The following KLRD1 variants were observed in gnomAD, a reference collection of about 807,000 sequenced individuals.
KLRD1 encodes the protein natural killer cells antigen CD94.
In KLRD1, 21 loss-of-function variants were observed where a neutral mutation model predicts 22.6. The observed-to-expected ratio is 0.93, with a 90% CI of 0.66 to 1.34. The LOEUF (loss-of-function observed/expected upper bound fraction) is 1.34. Ranked by LOEUF, KLRD1 falls within the 40% of genes most tolerant of loss-of-function variation. KLRD1 has a pLI of 0.00. For synonymous variants in KLRD1, 59 were observed against 71.1 expected (o/e 0.83, Z 0.85); for missense variants, 183 against 208.6 (o/e 0.88, Z 0.76).
intron 1 of KLRD1, among the ~76,000 whole-genome samples, chr12:10,240,403 A>G (rs1192599502): frequency 6.6e-6 from 1 of 150,464 alleles, no homozygotes. Context: ...CTTTGCTTTC[A>G]TTGTTCAGCT....
At chr12:10,254,443 A>AAAC (rs1555101199) in intron 1 of KLRD1, among the ~76,000 whole-genome samples, 8 of 151,050 alleles carry the variant, frequency 5.3e-5, no homozygotes, top group African/African-American at 2.0e-4. Context: ...AAAAAAAAAA[A>AAAC]AAAAAAAAAC....
chr12:10,284,666 C>A (rs1949682861), intron 1 of KLRD1, among the ~76,000 whole-genome samples: 1 of 152,196 alleles, frequency 6.6e-6, no homozygotes, highest in African/African-American at 2.4e-5. Context: ...AAGTACATTT[C>A]TCTCCACAAA....
intron 4 of KLRD1, among the ~76,000 whole-genome samples, chr12:10,312,242 G>C (rs1329730353): frequency 1.3e-5 from 2 of 151,648 alleles, no homozygotes; most frequent in African/African-American, 2.4e-5. Flanking sequence ...AGTAGAGACA[G>C]GGTTTCACCG....
At chr12:10,247,329 T>C (rs1001187234) in intron 1 of KLRD1, among the ~76,000 whole-genome samples, 1 of 152,140 alleles carries the variant, frequency 6.6e-6, no homozygotes, top group East Asian at 1.9e-4. Context: ...GAACAATTTA[T>C]TGGAATGTGA....
intron 4 of KLRD1, 145 bp downstream of exon 4, chr12:10,311,760 A>C: frequency 1.7e-6 from 1 of 594,832 alleles, no homozygotes; most frequent in Non-Finnish European, 2.8e-6. Context: ...TGTGTACCTT[A>C]AAGTAGTCAT....
At chr12:10,299,292 T>C (rs1949847919) in intron 1 of KLRD1, among the ~76,000 whole-genome samples, 1 of 152,148 alleles carries the variant, frequency 6.6e-6, no homozygotes, top group Non-Finnish European at 1.5e-5. Context: ...AGTTAAATAG[T>C]AAGGATGCTA....
chr12:10,298,601 T>G (rs532270290), intron 1 of KLRD1, among the ~76,000 whole-genome samples: 15 of 152,334 alleles, frequency 9.8e-5, no homozygotes, highest in Admixed American at 8.5e-4. Context: ...GGTTGTTGGT[T>G]TACCTGAATG....
intron 1 of KLRD1, among the ~76,000 whole-genome samples, chr12:10,262,193 T>A (rs1016610214): frequency 2.0e-5 from 3 of 152,100 alleles, no homozygotes; most frequent in Non-Finnish European, 4.4e-5. Flanking sequence ...AATGTAAGAA[T>A]GAATACCACA....
At chr12:10,240,717 A>G (rs1949233340) in intron 1 of KLRD1, among the ~76,000 whole-genome samples, 1 of 152,154 alleles carries the variant, frequency 6.6e-6, no homozygotes, top group South Asian at 2.1e-4. Context: ...AAGGTGAAAT[A>G]TCAGACATCA....
chr12:10,239,858 A>G (rs929441411), intron 1 of KLRD1, among the ~76,000 whole-genome samples: 1 of 150,722 alleles, frequency 6.6e-6, no homozygotes, highest in Non-Finnish European at 1.5e-5. Flanking sequence ...GCCAGGCTGG[A>G]CTTGAACTCC....
intron 1 of KLRD1, among the ~76,000 whole-genome samples, chr12:10,282,998 G>A (rs1483079313): frequency 6.6e-6 from 1 of 152,210 alleles, no homozygotes; most frequent in Non-Finnish European, 1.5e-5. Flanking sequence ...TGATGTATTC[G>A]TGAATGTCCA....
chr12:10,297,192 C>A (rs1277934700), intron 1 of KLRD1, among the ~76,000 whole-genome samples: 3 of 152,206 alleles, frequency 2.0e-5, no homozygotes, highest in African/African-American at 7.2e-5. Context: ...TCATTTGTAT[C>A]CTGGTGTGTG....
At chr12:10,243,634 CCG>C (rs1949263319) in intron 1 of KLRD1, among the ~76,000 whole-genome samples, 10 of 47,898 alleles carry the variant, frequency 2.1e-4, no homozygotes, top group Non-Finnish European at 3.0e-4. Context: ...AAAAAAAAAA[CCG>C]AAATGAAAGA....
chr12:10,298,766 T>A (rs1332859813), intron 1 of KLRD1, among the ~76,000 whole-genome samples: 1 of 152,232 alleles, frequency 6.6e-6, no homozygotes, highest in African/African-American at 2.4e-5. Flanking sequence ...TCCCTTTGTT[T>A]CCCATAAGGA....
chr12:10,252,691 T>C (rs1271317961), intron 1 of KLRD1, among the ~76,000 whole-genome samples: 1 of 152,144 alleles, frequency 6.6e-6, no homozygotes, highest in Non-Finnish European at 1.5e-5. Flanking sequence ...GGATGTGTCT[T>C]GAGAATGTAT....
At chr12:10,311,153 C>G (rs867193529) in intron 3 of KLRD1, among the ~76,000 whole-genome samples, 10 of 152,170 alleles carry the variant, frequency 6.6e-5, no homozygotes, top group African/African-American at 2.4e-4. Context: ...TGCCCCTCAT[C>G]TTACACTCTG....
intron 1 of KLRD1, among the ~76,000 whole-genome samples, chr12:10,266,631 A>G (rs1207116325): frequency 1.3e-5 from 2 of 151,590 alleles, no homozygotes; most frequent in Non-Finnish European, 2.9e-5. Context: ...TTTCATACCT[A>G]TTATTAGATA....
chr12:10,254,625 AC>A (rs1188079794), intron 1 of KLRD1, among the ~76,000 whole-genome samples: 1 of 152,052 alleles, frequency 6.6e-6, no homozygotes, highest in African/African-American at 2.4e-5. Context: ...GTGGTGGCTC[AC>A]ACCTGTAATC....
In KLRD1 at chr12:10,315,609, A is replaced by C. The variant is rs528819439; in HGVS notation, c.*816A>C. 6.6e-6 allele frequency: 1 copy of C among 152,620 alleles called. No homozygotes were observed. The highest frequency in any genetic ancestry group is 6.5e-5 in the Admixed American group (1 of 15,306). The allele number at this position is 152,620 out of a possible 1,614,324, so 9.5% of individuals were successfully genotyped here. On this transcript the variant is annotated 3_prime_UTR_variant, in exon 6 of 6. Transcript: ENST00000336164. ...TGTCCATGTGACTACAAAATAATATATTTTTTAATTAAAAAATTTAAAATA... is the reference window on the plus strand; with the variant it reads ...TGTCCATGTGACTACAAAATAATATCTTTTTTAATTAAAAAATTTAAAATA...
Sources: allele counts gnomAD v4.1 joint callset (sites outside exome capture counted in the v4.1 genomes callset), GRCh38; gene constraint gnomAD v4.1.1; transcripts MANE v1.5; gene names NCBI Gene and HGNC (gene_info 2026-07-23, HGNC 2026-07-21).